DCAF6: variants seen among roughly 807,000 people sequenced by gnomAD.
DCAF6 encodes the protein DDB1 and CUL4 associated factor 6.
In DCAF6, 54 loss-of-function variants were observed where a neutral mutation model predicts 125.1. The observed-to-expected ratio is 0.43, with a 90% CI of 0.35 to 0.54. The LOEUF is 0.54. Among genes scored for constraint, DCAF6 ranks in the 20% least tolerant of loss-of-function variants. The probability of loss-of-function intolerance (pLI) is 0.01; values close to 1 mark genes in which losing one functional copy is unlikely to be tolerated. For synonymous variants in DCAF6, 371 were observed against 390.4 expected (o/e 0.95, Z 0.58); for missense variants, 934 against 1,161.7 (o/e 0.80, Z 2.85).
chr1:167,901,593 A>G, the DCAF6 span: 72 of 1,481,866 alleles, frequency 4.9e-5, no homozygotes, highest in Non-Finnish European at 6.3e-5. Context: ...TCTTTGGGAG[A>G]GAGAGATGCC....
chr1:168,059,097 T>C (rs1691269109), intron 17 of DCAF6, among the ~76,000 whole-genome samples: 2 of 152,230 alleles, frequency 1.3e-5, no homozygotes, highest in Non-Finnish European at 2.9e-5. Context: ...CACTTTCTTT[T>C]ATTTACAAAA....
chr1:167,915,172 A>G, the DCAF6 span, among the ~76,000 whole-genome samples: 3 of 152,238 alleles, frequency 2.0e-5, no homozygotes, highest in Admixed American at 1.3e-4. Context: ...AAGTTAAAAA[A>G]GAAAATATTT....
chr1:167,870,153 G>C, the DCAF6 span: 1 of 1,247,980 alleles, frequency 8.0e-7, no homozygotes, highest in Non-Finnish European at 1.2e-6. Context: ...AATAATTGTA[G>C]GTTATAGATA....
chr1:167,904,081 GCT>G, the DCAF6 span: 1 of 501,774 alleles, frequency 2.0e-6, no homozygotes, highest in Non-Finnish European at 3.4e-6. Context: ...GCGGGCCTCA[GCT>G]TTTTTTTTTT....
At chr1:167,922,113 T>C in the DCAF6 span, among the ~76,000 whole-genome samples, 1 of 152,154 alleles carries the variant, frequency 6.6e-6, no homozygotes, top group Non-Finnish European at 1.5e-5. Context: ...TACTCTGGGA[T>C]AGTAAAACAC....
At chr1:167,983,982 A>G (rs926380284) in intron 4 of DCAF6, among the ~76,000 whole-genome samples, 19 of 152,202 alleles carry the variant, frequency 1.2e-4, no homozygotes, top group African/African-American at 4.6e-4. Flanking sequence ...TGTGACTTAC[A>G]GTGGCTGCGA....
At chr1:168,033,258 C>T (rs1263441180) in intron 12 of DCAF6, among the ~76,000 whole-genome samples, 2 of 151,224 alleles carry the variant, frequency 1.3e-5, no homozygotes, top group East Asian at 1.9e-4. Context: ...TTTTCTGAGC[C>T]AATGCACTAT....
At chr1:168,071,951 GC>G (rs907625125) in intron 21 of DCAF6, among the ~76,000 whole-genome samples, 2 of 151,964 alleles carry the variant, frequency 1.3e-5, no homozygotes, top group African/African-American at 4.8e-5. Flanking sequence ...GCCCAACTTT[GC>G]CCCCAGGACT....
chr1:167,944,264 G>A (rs990510430), intron 1 of DCAF6, among the ~76,000 whole-genome samples: 1 of 152,190 alleles, frequency 6.6e-6, no homozygotes, highest in Non-Finnish European at 1.5e-5. Flanking sequence ...TGTGAATAGT[G>A]CTGCAGTAAA....
chr1:168,045,277 G>T, intron 16 of DCAF6, 50 bp downstream of exon 16: 1 of 1,485,574 alleles, frequency 6.7e-7, no homozygotes. Context: ...ATTTCACAAG[G>T]ATTTGTTTGA....
At chr1:168,046,561 G>C (rs1689174667) in intron 16 of DCAF6, among the ~76,000 whole-genome samples, 1 of 152,120 alleles carries the variant, frequency 6.6e-6, no homozygotes, top group Non-Finnish European at 1.5e-5. Flanking sequence ...TTTATACTTA[G>C]AGATTAATCA....
At chr1:167,997,517 C>G (rs1338906844) in intron 7 of DCAF6, among the ~76,000 whole-genome samples, 1 of 150,846 alleles carries the variant, frequency 6.6e-6, no homozygotes, top group African/African-American at 2.5e-5. Flanking sequence ...ATTTTTTTTT[C>G]TGTCTCCTTT....
chr1:168,002,419 TTTAAGAG>T, intron 7 of DCAF6, 56 bp from the exon 8 acceptor site: 1 of 1,386,950 alleles, frequency 7.2e-7, no homozygotes. Context: ...TAAAGTATGC[TTTAAGAG>T]TTGAGAGTAG....
the DCAF6 span, among the ~76,000 whole-genome samples, chr1:167,880,793 G>A: frequency 6.6e-6 from 1 of 152,182 alleles, no homozygotes; most frequent in Admixed American, 6.5e-5. Flanking sequence ...TCAACAGGAG[G>A]GCTTGAGCCT....
chr1:167,924,530 T>C, the DCAF6 span: 3 of 1,554,280 alleles, frequency 1.9e-6, no homozygotes, highest in Non-Finnish European at 2.6e-6. Context: ...AGAAAACTGT[T>C]CTGGGACCTG....
chr1:168,038,268 A>C (rs941350268), intron 12 of DCAF6, 103 bp from the exon 13 acceptor site: 5 of 830,304 alleles, frequency 6.0e-6, no homozygotes, highest in Middle Eastern at 2.4e-4. Flanking sequence ...TGAAAAAAGA[A>C]TTATGACAAG....
chr1:167,991,640 CAG>C (rs998611215), intron 6 of DCAF6, among the ~76,000 whole-genome samples: 1 of 152,108 alleles, frequency 6.6e-6, no homozygotes, highest in Non-Finnish European at 1.5e-5. Flanking sequence ...TCTGGAGGCT[CAG>C]TGTCTGAAAT....
chr1:167,964,650 C>G (rs1676121358), intron 2 of DCAF6, among the ~76,000 whole-genome samples: 1 of 152,152 alleles, frequency 6.6e-6, no homozygotes, highest in Admixed American at 6.5e-5. Context: ...TTCTCCTTCT[C>G]CTCTGGTATT....
chr1:167,923,401 A>G, the DCAF6 span, among the ~76,000 whole-genome samples: 63 of 152,200 alleles, frequency 4.1e-4, no homozygotes, highest in Non-Finnish European at 8.1e-4. Context: ...TGACAACGTT[A>G]ATGTACCTTG....
Sources: gnomAD v4.1 joint callset for allele counts (sites outside exome capture counted in the v4.1 genomes callset) on GRCh38, gnomAD v4.1.1 for gene constraint, MANE v1.5 for transcripts, NCBI Gene and HGNC (gene_info 2026-07-23, HGNC 2026-07-21) for gene names.